PLCE1: variants seen among roughly 807,000 people sequenced by gnomAD.
PLCE1 encodes phospholipase C epsilon 1.
In PLCE1, 119 loss-of-function variants were observed where a neutral mutation model predicts 242.8. The observed-to-expected ratio is 0.49, with a 90% CI of 0.42 to 0.57. The LOEUF (loss-of-function observed/expected upper bound fraction) is 0.57, where lower values mean the gene tolerates loss of function less well. PLCE1 is among the 20% of genes least tolerant of loss of function. The pLI is 0.00. For missense variants in PLCE1, 2,441 were observed against 2,788.8 expected, an observed-to-expected ratio of 0.88 and a Z score of 2.81; for synonymous variants, 945 against 1,017.4, an observed-to-expected ratio of 0.93 and a Z score of 1.35.
chr10:94,295,973 C>T (rs1450422893), intron 23 of PLCE1, among the ~76,000 whole-genome samples: 6 of 152,180 alleles, frequency 3.9e-5, no homozygotes, highest in Non-Finnish European at 4.4e-5. Flanking sequence ...GAGAGACAGC[C>T]TTTTCTTTGA....
chr10:94,120,179 C>T (rs945190683), intron 2 of PLCE1, among the ~76,000 whole-genome samples: 1 of 152,184 alleles, frequency 6.6e-6, no homozygotes, highest in East Asian at 1.9e-4. Flanking sequence ...GGCTCCATGT[C>T]CTCCTGCCCT....
intron 28 of PLCE1, 96 bp from the exon 29 acceptor site, chr10:94,316,451 T>C: frequency 1.3e-6 from 1 of 778,782 alleles, no homozygotes; most frequent in South Asian, 1.4e-5. Flanking sequence ...TAAATTTCAC[T>C]TATAAATTGC....
intron 2 of PLCE1, among the ~76,000 whole-genome samples, chr10:94,038,917 C>A (rs952207671): frequency 1.3e-5 from 2 of 152,314 alleles, no homozygotes; most frequent in East Asian, 3.9e-4. Context: ...CCCTAAGGAA[C>A]CACTAATCCA....
chr10:94,324,777 CCTACTCTCTCCAAA>C, intron 31 of PLCE1, 101 bp from the exon 32 acceptor site: 1 of 1,122,588 alleles, frequency 8.9e-7, no homozygotes, highest in Non-Finnish European at 1.3e-6. Context: ...GCTCCTCAGC[CCTACTCTCTCCAAA>C]GCTCTAGAGA....
At chr10:94,315,303 C>G in intron 28 of PLCE1, 1 of 423,848 alleles carries the variant, frequency 2.4e-6, no homozygotes, top group South Asian at 1.8e-5. Context: ...CTGGGCTTTG[C>G]CTTATTGGCA....
intron 1 of PLCE1, among the ~76,000 whole-genome samples, chr10:94,027,401 C>G (rs1347638376): frequency 6.6e-6 from 1 of 152,220 alleles, no homozygotes; most frequent in East Asian, 1.9e-4. Flanking sequence ...GTCTAGTGCT[C>G]TATAAAGTCT....
At chr10:94,094,687 T>A (rs1470770395) in intron 2 of PLCE1, 1 of 152,142 alleles carries the variant, frequency 6.6e-6, no homozygotes, top group Non-Finnish European at 1.5e-5. Context: ...TGGTGGACGC[T>A]CCTTTTGGTG....
At position 94,324,928 on chromosome 10, in the gene PLCE1, G is replaced by C. The variant is rs180876175; in HGVS notation, c.6757G>C (p.Ala2253Pro). The change falls in exon 32 of 33, where the codon GCA becomes CCA. Residue 2253 changes from alanine to proline, a missense_variant. By Grantham distance (27) the Ala-to-Pro change is conservative. This residue lies in a region of PLCE1 where 310 missense variants were observed against 317.2 expected (regional missense o/e 0.98). Transcript: ENST00000371380. Reference protein sequence around the residue: ...REDKKKGISFASELKKLTKST... With the variant: ...REDKKKGISFPSELKKLTKST... ...AGATAAAAAGAAAGGCATTTCTTTC[G>C]CAAGTGAACTCAAGAAGCTCACCAA... 1.2e-6 allele frequency: 2 copies of C among 1,614,108 alleles called. No individual in the cohort carries two copies. The highest frequency in any genetic ancestry group is 1.7e-5 in the Admixed American group (1 of 60,004).
chr10:94,198,254 A>G (rs1203885213), intron 4 of PLCE1, among the ~76,000 whole-genome samples: 1 of 152,186 alleles, frequency 6.6e-6, no homozygotes, highest in Non-Finnish European at 1.5e-5. Context: ...TAAACAGGAT[A>G]GAGAGAAAAT....
chr10:94,129,257 G>T (rs116365994), intron 2 of PLCE1, among the ~76,000 whole-genome samples: 2,123 of 152,334 alleles, frequency 0.014, 41 homozygotes, highest in African/African-American at 0.042. Context: ...ATAAGAAAAG[G>T]CTATTAGATT....
At chr10:94,104,209 A>C (rs1456989235) in intron 2 of PLCE1, 4 of 152,246 alleles carry the variant, frequency 2.6e-5, no homozygotes, top group South Asian at 2.1e-4. Context: ...TGCTCAAAAC[A>C]GTGTACAAAT....
intron 5 of PLCE1, among the ~76,000 whole-genome samples, chr10:94,232,186 A>AT (rs1416000768): frequency 6.6e-6 from 1 of 152,132 alleles, no homozygotes; most frequent in African/African-American, 2.4e-5. Context: ...TTGATGTTTG[A>AT]TTTTTTAAAC....
At position 94,283,896 on chromosome 10, in the gene PLCE1, T is replaced by A; in HGVS notation, c.4902T>A (p.Ala1634=). 6.2e-7 allele frequency: 1 copy of A among 1,611,802 alleles called. No homozygotes were observed. Among genetic ancestry groups the A allele is most frequent in the African/African-American group, 1.3e-5 (1 of 74,964 alleles). Residue 1634 remains alanine (A), a synonymous_variant, in exon 21 of 33, where the codon GCT becomes GCA. Coordinates refer to ENST00000371380, the MANE Select transcript of PLCE1 (RefSeq NM_016341.4). ...PKRIKKADNS[A]CNKGKVYDME... is the part of the protein sequence containing the mutation. The stretch of plus-strand genomic sequence containing the variant: ...GGATAAAGAAAGCAGATAACTCTGC[T>A]TGCAACAAAGGAAAGGTGGGTGAAC...
chr10:94,220,871 G>A (rs1322493194), intron 4 of PLCE1, among the ~76,000 whole-genome samples: 1 of 152,184 alleles, frequency 6.6e-6, no homozygotes, highest in Non-Finnish European at 1.5e-5. Flanking sequence ...AGGAAACGGT[G>A]GGGCTGGGAG....
At chr10:94,253,449 G>T (rs553721502) in intron 9 of PLCE1, among the ~76,000 whole-genome samples, 120 of 152,204 alleles carry the variant, frequency 7.9e-4, no homozygotes, top group African/African-American at 2.7e-3. Flanking sequence ...AAACTCCTGG[G>T]CTCAAGCTGT....
At chr10:94,041,381 A>AT in intron 2 of PLCE1, among the ~76,000 whole-genome samples, 1 of 151,964 alleles carries the variant, frequency 6.6e-6, no homozygotes, top group Admixed American at 6.6e-5. Flanking sequence ...CGGAATCAGG[A>AT]TTTTCCATTG....
chr10:94,034,782 G>C (rs993413075), intron 2 of PLCE1, among the ~76,000 whole-genome samples: 5 of 152,168 alleles, frequency 3.3e-5, no homozygotes, highest in Admixed American at 6.6e-5. Flanking sequence ...AGTTCCCTTG[G>C]TGATTCTATA....
At chr10:94,201,712 C>G (rs1322722910) in intron 4 of PLCE1, among the ~76,000 whole-genome samples, 1 of 152,160 alleles carries the variant, frequency 6.6e-6, no homozygotes, top group Non-Finnish European at 1.5e-5. Context: ...ATCTCCTGAC[C>G]TCGTGATCCA....
At position 94,245,928 on chromosome 10, in the gene PLCE1, G is replaced by T; in HGVS notation, c.2421-18G>T. The T allele has an allele frequency of 6.2e-7, 1 of 1,606,342 alleles. No individual in the cohort carries two copies. Among genetic ancestry groups the T allele is most frequent in the South Asian group, 1.1e-5 (1 of 90,878 alleles). On this transcript the variant is annotated intron_variant, in intron 7 of 32. Transcript: ENST00000371380. ...ACTTGATTATAAGACAAACCAAATT[G>T]GTGTTTCTTTCCTTAAGGTTTATAA...
Sources: gnomAD v4.1 joint callset for allele counts (sites outside exome capture counted in the v4.1 genomes callset) on GRCh38, gnomAD v4.1.1 for gene constraint, gnomAD v4.1.1 regional missense constraint, MANE v1.5 for transcripts, NCBI Gene and HGNC (gene_info 2026-07-23, HGNC 2026-07-21) for gene names.